Variants in BCL11B observed in about 807,000 individuals in gnomAD.
BCL11B encodes B-cell lymphoma/leukemia 11B.
BCL11B carries 8 observed loss-of-function variants against 49.9 expected under a neutral mutation model. The ratio of observed to expected loss-of-function variants is 0.16; its 90% CI spans 0.09 to 0.29. The LOEUF (loss-of-function observed/expected upper bound fraction) is 0.29, where lower values mean the gene tolerates loss of function less well. Among genes scored for constraint, BCL11B ranks in the 10% least tolerant of loss-of-function variants. The pLI, the probability that BCL11B is intolerant of heterozygous loss-of-function variation, is 1.00. For missense variants in BCL11B, 1,006 were observed against 1,351.0 expected, an observed-to-expected ratio of 0.74 and a Z score of 4.00; for synonymous variants, 739 against 637.4, an observed-to-expected ratio of 1.16 and a Z score of -2.40.
rs778158638 is a variant in BCL11B, at chr14:99,242,493, C to A, written c.428-10936G>T. The stretch of plus-strand genomic sequence containing the variant: ...CAGACAGCTCCTGGCTCCAAGCCTG[C>A]ACCATCGCAGACTCCAGGTATCTGC... On this transcript the variant is annotated intron_variant, in intron 2 of 3. Coordinates refer to ENST00000357195, the MANE Select transcript of BCL11B (RefSeq NM_138576.4). The surrounding 1 kb of genome is among the most constrained non-coding windows in gnomAD (Gnocchi z 4.4). 6.6e-6 allele frequency among the ~76,000 whole-genome samples: 1 copy of A among 152,184 alleles called. No individual in the cohort carries two copies. The highest frequency in any genetic ancestry group is 1.5e-5 in the Non-Finnish European group (1 of 68,044).
chr14:99,191,997 C>T (rs1201652260), intron 3 of BCL11B, among the ~76,000 whole-genome samples: 2 of 152,064 alleles, frequency 1.3e-5, no homozygotes, highest in South Asian at 2.1e-4. Context: ...TTAAAAAACA[C>T]GATCCAGAGA....
chr14:99,176,057 G>A lies in BCL11B; in HGVS notation c.779C>T (p.Thr260Met), dbSNP rs756798054. ...CGGCGGCGGGATGGTGAGCCGCGGCGTGAGCGAGCTGCTGGCCGGCCCGGG... is the reference window on the plus strand; with the variant it reads ...CGGCGGCGGGATGGTGAGCCGCGGCATGAGCGAGCTGCTGGCCGGCCCGGG... ...LEPGPASSSL[T>M]PRLTIPPPLG... Residue 260 changes from threonine (T) to methionine (M), a missense_variant, in exon 4 of 4, where the codon ACG (threonine) becomes ATG (methionine). Coordinates refer to ENST00000357195, the MANE Select transcript of BCL11B (RefSeq NM_138576.4). The A allele has an allele frequency of 1.1e-5, 18 of 1,600,898 alleles. No homozygotes were observed. The East Asian group carries it at 3.4e-4, about 30-fold the overall frequency.
rs762493591 is a variant in BCL11B at position 99,174,526 on chromosome 14, C to T, written c.2310G>A (p.Thr770=). 4.0e-6 allele frequency: 6 copies of T among 1,518,658 alleles called. No individual in the cohort carries two copies. In the Admixed American group the frequency reaches 6.1e-5, roughly 15 times the overall value. The allele number at this position is 1,518,658 out of a possible 1,614,324, so 94.1% of individuals were successfully genotyped here. The change falls in exon 4 of 4, where the codon ACG becomes ACA. Residue 770 remains threonine, a synonymous_variant. Transcript: ENST00000357195. ...LDGGLSGRSG[T]ASGGSTPHLG... Reference sequence around the variant, plus strand: ...GGTGCGGGGTGCTGCCTCCGCTGGCCGTGCCGCTGCGGCCCGAGAGGCCGC... The same window carrying T: ...GGTGCGGGGTGCTGCCTCCGCTGGCTGTGCCGCTGCGGCCCGAGAGGCCGC...
At chr14:99,179,733 C>T (rs964075584) in intron 3 of BCL11B, among the ~76,000 whole-genome samples, 1 of 152,110 alleles carries the variant, frequency 6.6e-6, no homozygotes, top group Admixed American at 6.5e-5. Flanking sequence ...TGAAGCCTTC[C>T]GATATCCTAA....
intron 3 of BCL11B, among the ~76,000 whole-genome samples, chr14:99,177,462 C>G (rs73420760): frequency 0.068 from 10,335 of 151,172 alleles, 452 homozygotes; most frequent in Non-Finnish European, 0.099. Context: ...TGAAGCTCGC[C>G]GCTTTTCCAG....
chr14:99,221,854 G>A (rs913620315), intron 3 of BCL11B, among the ~76,000 whole-genome samples: 1 of 152,206 alleles, frequency 6.6e-6, no homozygotes. Flanking sequence ...ACCCTGTCAC[G>A]CCCATTTCTG....
rs1320194654 is a variant in BCL11B at position 99,271,162 on chromosome 14, G to A, written c.57C>T (p.Thr19=). The part of the protein sequence containing the change: ...PQHLSQRELI[T]PEADHVEAAI... Reference sequence around the variant, plus strand: ...CGCGCGCACTCCGCAGACACTTACGGGTGATGAGCTCCCTCTGGGACAAGT... The same window carrying A: ...CGCGCGCACTCCGCAGACACTTACGAGTGATGAGCTCCCTCTGGGACAAGT... The change falls in exon 1 of 4, where the codon ACC becomes ACT. Residue 19 remains threonine, a splice_region_variant and synonymous_variant. Transcript: ENST00000357195. The A allele has an allele frequency of 6.4e-7, 1 of 1,554,708 alleles. No individual in the cohort carries two copies. Among genetic ancestry groups the A allele is most frequent in the Admixed American group, 1.9e-5 (1 of 53,934 alleles).
chr14:99,191,860 T>C (rs1407386115), intron 3 of BCL11B, among the ~76,000 whole-genome samples: 1 of 152,096 alleles, frequency 6.6e-6, no homozygotes, highest in African/African-American at 2.4e-5. Flanking sequence ...AAAACAAATA[T>C]ATACTTCCTG....
intron 2 of BCL11B, among the ~76,000 whole-genome samples, chr14:99,251,003 G>A (rs1168985897): frequency 6.6e-6 from 1 of 152,100 alleles, no homozygotes; most frequent in African/African-American, 2.4e-5. Flanking sequence ...CAGTTCACAT[G>A]GCAGGTGGGT....
Position 99,174,481 on chromosome 14 carries a change from C to T in BCL11B, c.2355G>A (p.Gly785=), listed in dbSNP as rs770685379. Residue 785 remains glycine (G), a synonymous_variant, in exon 4 of 4, where the codon GGG becomes GGA. Transcript: ENST00000357195. ...GGCGGCCCTCCTTGGAGCTGGGCCG[C>T]CCGGGGCCCGGGCCGCCCAGGTGCG... ...STPHLGGPGP[G]RPSSKEGRRS... 7 of 1,570,344 alleles carry T rather than the reference C, an allele frequency of 4.5e-6. No homozygotes were observed. The Admixed American group carries it at 1.3e-4, about 29-fold the overall frequency.
Position 99,174,617 on chromosome 14 carries a change from G to A in BCL11B, c.2219C>T (p.Ser740Leu). Residue 740 changes from serine to leucine, a missense_variant, in exon 4 of 4, where the codon TCG becomes TTG. By Grantham distance (145) the Ser-to-Leu change is moderately radical (BLOSUM62 -2). Coordinates refer to ENST00000357195, the MANE Select transcript of BCL11B (RefSeq NM_138576.4). ...TDARQSPFAT[S>L]SEHSSENGSL... The stretch of plus-strand genomic sequence containing the variant: ...GCCGTTCTCGGACGAGTGCTCGGAC[G>A]ACGTGGCGAAGGGCGACTGTCGTGC... 1.9e-6 allele frequency: 3 copies of A among 1,551,904 alleles called. No individual in the cohort carries two copies. Among genetic ancestry groups the A allele is most frequent in the Non-Finnish European group, 2.6e-6 (3 of 1,153,418 alleles).
intron 3 of BCL11B, among the ~76,000 whole-genome samples, chr14:99,177,248 T>C (rs2139764775): frequency 6.6e-6 from 1 of 152,104 alleles, no homozygotes; most frequent in Middle Eastern, 3.4e-3. Context: ...CATCCTCACA[T>C]CTGACAGGGC....
intron 3 of BCL11B, among the ~76,000 whole-genome samples, chr14:99,207,763 T>A (rs1406575123): frequency 6.6e-6 from 1 of 152,156 alleles, no homozygotes; most frequent in Non-Finnish European, 1.5e-5. Context: ...GGGCAGAGTC[T>A]GGCCAGGCCA....
At chr14:99,199,295 A>C (rs1472419208) in intron 3 of BCL11B, among the ~76,000 whole-genome samples, 2 of 152,186 alleles carry the variant, frequency 1.3e-5, no homozygotes, top group African/African-American at 4.8e-5. Flanking sequence ...TCCTTAATAA[A>C]TACCACTGAA....
intron 3 of BCL11B, among the ~76,000 whole-genome samples, chr14:99,185,925 A>G (rs1886840102): frequency 6.6e-6 from 1 of 152,246 alleles, no homozygotes; most frequent in Non-Finnish European, 1.5e-5. Flanking sequence ...TCAACTTCTC[A>G]ACAACATTTA....
At chr14:99,244,745 C>T (rs1888774682) in intron 2 of BCL11B, among the ~76,000 whole-genome samples, 1 of 152,214 alleles carries the variant, frequency 6.6e-6, no homozygotes, top group Admixed American at 6.5e-5. Context: ...AAGCTGGCTG[C>T]TCAAAGTTCG....
intron 3 of BCL11B, among the ~76,000 whole-genome samples, chr14:99,212,245 G>A (rs1300927720): frequency 6.6e-6 from 1 of 152,172 alleles, no homozygotes; most frequent in Non-Finnish European, 1.5e-5. Flanking sequence ...ATCAAACGGT[G>A]CACCCAAAGC....
At chr14:99,189,592 A>C (rs928660301) in intron 3 of BCL11B, among the ~76,000 whole-genome samples, 1 of 152,210 alleles carries the variant, frequency 6.6e-6, no homozygotes, top group Non-Finnish European at 1.5e-5. Context: ...CATGGCGGCT[A>C]CTGGGTCAGC....
chr14:99,212,093 C>CT (rs1301562285), intron 3 of BCL11B, among the ~76,000 whole-genome samples: 1 of 152,180 alleles, frequency 6.6e-6, no homozygotes, highest in Admixed American at 6.5e-5. Flanking sequence ...CATCCCTACA[C>CT]TTTGTCTTCT....
Sources: allele counts gnomAD v4.1 joint callset (sites outside exome capture counted in the v4.1 genomes callset), GRCh38; gene constraint gnomAD v4.1.1; non-coding constraint Gnocchi (gnomAD v3.1); transcripts MANE v1.5; gene names NCBI Gene and HGNC (gene_info 2026-07-23, HGNC 2026-07-21).